The following NOP14 variants were observed in gnomAD, a reference collection of about 807,000 sequenced individuals.
The protein encoded by NOP14 is NOP14 nucleolar protein.
Under a neutral mutation model 101.6 loss-of-function variants are expected in NOP14, and 57 were observed. The ratio of observed to expected loss-of-function variants is 0.56; its 90% CI spans 0.45 to 0.70. NOP14 has a LOEUF of 0.70. NOP14 is among the 30% of genes least tolerant of loss of function. NOP14 has a pLI of 0.00. For missense variants in NOP14, 1,134 were observed against 1,075.5 expected (o/e 1.05, Z -0.76); for synonymous variants, 428 against 424.0 (o/e 1.01, Z -0.12).
At chr4:2,951,911 C>A (rs192216409) in intron 6 of NOP14, among the ~76,000 whole-genome samples, 2 of 152,022 alleles carry the variant, frequency 1.3e-5, no homozygotes, top group African/African-American at 4.8e-5. Context: ...AGTTCAAGAC[C>A]GCCTGGCCAA....
At chr4:2,942,143 CTG>C (rs1439695781) in intron 14 of NOP14, 47 bp downstream of exon 14, 5 of 1,567,392 alleles carry the variant, frequency 3.2e-6, no homozygotes, top group Non-Finnish European at 4.3e-6. Context: ...TCTCCTGCCT[CTG>C]GGGACGCTGT....
intron 1 of NOP14, among the ~76,000 whole-genome samples, chr4:2,959,986 T>A (rs2488808): frequency 0.39 from 58,988 of 150,774 alleles, 12,399 homozygotes; most frequent in African/African-American, 0.53. Context: ...TTTTTTTTTT[T>A]AAAGATGGAA....
intron 13 of NOP14, 89 bp from the exon 14 acceptor site, chr4:2,942,440 C>A: frequency 7.5e-7 from 1 of 1,335,470 alleles, no homozygotes; most frequent in East Asian, 2.4e-5. Flanking sequence ...GGAAGTTCAC[C>A]CTCTAACAGA....
intron 2 of NOP14, among the ~76,000 whole-genome samples, chr4:2,957,221 C>T (rs1308399954): frequency 1.3e-5 from 2 of 151,982 alleles, no homozygotes; most frequent in Non-Finnish European, 1.5e-5. Flanking sequence ...AGGATGGTCT[C>T]GATCTCCTGA....
chr4:2,942,405 G>A, intron 13 of NOP14, 54 bp from the exon 14 acceptor site: 8 of 1,562,204 alleles, frequency 5.1e-6, no homozygotes, highest in Non-Finnish European at 7.0e-6. Context: ...TGGGCTCCCA[G>A]CAGGCTCTGC....
chr4:2,952,151 A>T, intron 6 of NOP14, 124 bp downstream of exon 6: 1 of 985,716 alleles, frequency 1.0e-6, no homozygotes, highest in Non-Finnish European at 1.4e-6. Context: ...TATAAACTTT[A>T]AATAGACTAA....
chr4:2,955,806 G>A (rs1715311180), intron 3 of NOP14, among the ~76,000 whole-genome samples: 1 of 152,224 alleles, frequency 6.6e-6, no homozygotes, highest in Non-Finnish European at 1.5e-5. Flanking sequence ...GAGCAGTGGC[G>A]GGGCCTCCTG....
intron 1 of NOP14, among the ~76,000 whole-genome samples, chr4:2,962,284 C>T (rs1468705554): frequency 6.6e-6 from 1 of 152,216 alleles, no homozygotes; most frequent in African/African-American, 2.4e-5. Context: ...TCTCCCACCC[C>T]GGCCCGGGGG....
In NOP14 at chr4:2,946,543, A is replaced by AGTGCCT. The variant is rs1488481717; in HGVS notation, c.1500-2_1503dup (p.His501_Leu502insArgHis). On this transcript the variant is annotated inframe_insertion, in exon 11 of 18. Transcript: ENST00000416614. ...GGAAACATCTGGCAAAGATGATATA[A>AGTGCCT]GTGCCTGTTAAGCAGAAATGTAAAG... 6.2e-7 allele frequency: 1 copy of AGTGCCT among 1,614,176 alleles called. No individual in the cohort carries two copies. The highest frequency in any genetic ancestry group is 1.7e-5 in the Admixed American group (1 of 60,030).
Position 2,950,383 on chromosome 4 carries a change from C to A in NOP14, c.1003-170G>T, listed in dbSNP as rs558200798. On this transcript the variant is annotated intron_variant, in intron 7 of 17. Transcript: ENST00000416614. ...GGCACTAGGCCTCCTGCCCACCACCCGCTTCTAGGCTATTCGAGCCGCAGG... is the reference window on the plus strand; with the variant it reads ...GGCACTAGGCCTCCTGCCCACCACCAGCTTCTAGGCTATTCGAGCCGCAGG... 49 of 661,772 alleles carry A rather than the reference C, an allele frequency of 7.4e-5. No individual in the cohort carries two copies. The South Asian group carries it at 8.1e-4, about 11-fold the overall frequency. 41.0% of individuals were successfully genotyped at this position (661,772 alleles called of 1,614,324 possible).
chr4:2,961,270 G>GTAACTATATTAATATATAGTAAC (rs1560312402), intron 1 of NOP14: 2 of 102,866 alleles, frequency 1.9e-5, no homozygotes, highest in Non-Finnish European at 4.3e-5. Context: ...AATATAGTTA[G>GTAACTATATTAATATATAGTAAC]TATATTAATA....
chr4:2,954,408 ACACT>A lies in NOP14; in HGVS notation c.612+12_612+15del. 1 of 1,612,996 alleles carries A rather than the reference ACACT, an allele frequency of 6.2e-7. No individual in the cohort carries two copies. The highest frequency in any genetic ancestry group is 1.1e-5 in the South Asian group (1 of 90,908). On this transcript the variant is annotated intron_variant, in intron 4 of 17. Coordinates refer to ENST00000416614, the MANE Select transcript of NOP14 (RefSeq NM_001291978.2). ...CTTACCGTGGAGAAGATGATCAAGA[ACACT>A]CACTAACCCACCTTCTCTTGTTTTG...
intron 1 of NOP14, among the ~76,000 whole-genome samples, chr4:2,960,947 TTATTATATTAATATTA>T (rs1316137066): frequency 0.022 from 1,251 of 55,720 alleles, 214 homozygotes; most frequent in African/African-American, 0.096. Context: ...TATATCAATA[TTATTATATTAATATTA>T]TATCAATATT....
chr4:2,954,662 G>C (rs1715225240), intron 3 of NOP14, 99 bp from the exon 4 acceptor site: 3 of 1,415,158 alleles, frequency 2.1e-6, no homozygotes, highest in Non-Finnish European at 1.9e-6. Context: ...TAGTGGTCTG[G>C]AAAAGTCCAC....
At chr4:2,962,172 AG>A (rs1484232208) in intron 1 of NOP14, among the ~76,000 whole-genome samples, 2 of 152,234 alleles carry the variant, frequency 1.3e-5, no homozygotes, top group African/African-American at 4.8e-5. Context: ...AACCACCACG[AG>A]GGGTAGGATG....
At chr4:2,952,124 A>AAT in intron 6 of NOP14, 151 bp downstream of exon 6, 7 of 636,324 alleles carry the variant, frequency 1.1e-5, no homozygotes, top group Non-Finnish European at 1.4e-5. Context: ...AAAAAAAAAA[A>AAT]GGTATTCATG....
At position 2,960,911 on chromosome 4, in the gene NOP14, ATAT is replaced by A. The variant is rs201291765; in HGVS notation, c.195+2211_195+2213del. Among the ~76,000 whole-genome samples, 138 of 84,680 alleles carry A rather than the reference ATAT, an allele frequency of 1.6e-3. 2 individuals are homozygous for A. The highest frequency in any genetic ancestry group is 2.5e-3 in the African/African-American group (50 of 19,924). 55.6% of individuals were successfully genotyped at this position (84,680 alleles called of 152,430 possible). ...ATATTATTATATCAATATTATATTA[ATAT>A]TATATCGATATTATTTTAATATTAT... On this transcript the variant is annotated intron_variant, in intron 1 of 17. Coordinates refer to ENST00000416614, the MANE Select transcript of NOP14 (RefSeq NM_001291978.2).
intron 1 of NOP14, among the ~76,000 whole-genome samples, chr4:2,960,694 C>CATTAATATCAATATATTATTATAATT (rs1560310412): frequency 1.8e-5 from 2 of 113,972 alleles, no homozygotes; most frequent in Admixed American, 8.9e-5. Flanking sequence ...ATATTATAAT[C>CATTAATATCAATATATTATTATAATT]ACATTAATAT....
intron 1 of NOP14, among the ~76,000 whole-genome samples, chr4:2,960,694 C>CATTAATATTATATTAATATTATAATT (rs1560310412): frequency 3.5e-5 from 4 of 113,972 alleles, no homozygotes; most frequent in East Asian, 4.5e-4. Flanking sequence ...ATATTATAAT[C>CATTAATATTATATTAATATTATAATT]ACATTAATAT....
Sources: allele counts gnomAD v4.1 joint callset (sites outside exome capture counted in the v4.1 genomes callset), GRCh38; gene constraint gnomAD v4.1.1; transcripts MANE v1.5; gene names NCBI Gene and HGNC (gene_info 2026-07-23, HGNC 2026-07-21).